LEPR: variants seen among roughly 807,000 people sequenced by gnomAD.
LEPR encodes the protein leptin receptor, also known as OB receptor.
Under a neutral mutation model 114.7 loss-of-function variants are expected in LEPR, and 56 were observed. The observed-to-expected ratio is 0.49, with a 90% CI of 0.39 to 0.61. LEPR has a LOEUF of 0.61. Ranked by LOEUF, LEPR falls within the 20% of genes least tolerant of loss-of-function variation. The pLI is 0.00. For synonymous variants in LEPR, 443 were observed against 461.4 expected (o/e 0.96, Z 0.51); for missense variants, 1,202 against 1,352.9 (o/e 0.89, Z 1.75).
intron 2 of LEPR, among the ~76,000 whole-genome samples, chr1:65,547,023 T>C (rs1282436570): frequency 6.6e-6 from 1 of 152,164 alleles, no homozygotes; most frequent in Non-Finnish European, 1.5e-5. Flanking sequence ...TGAAGGGTTG[T>C]TGAATTTTGT....
At chr1:65,518,873 T>TTC (rs763024512) in intron 2 of LEPR, among the ~76,000 whole-genome samples, 6,961 of 117,018 alleles carry the variant, frequency 0.059, 259 homozygotes, top group African/African-American at 0.097. Flanking sequence ...CTTTCTTTCT[T>TTC]TTTCTTTCTT....
At chr1:65,607,218 G>T (rs968047759) in intron 11 of LEPR, among the ~76,000 whole-genome samples, 1 of 152,306 alleles carries the variant, frequency 6.6e-6, no homozygotes, top group African/African-American at 2.4e-5. Context: ...GTGGTGGTTT[G>T]TTGGTTGGAT....
At chr1:65,421,571 C>A in intron 1 of LEPR, 2 of 1,224,276 alleles carry the variant, frequency 1.6e-6, no homozygotes, top group Non-Finnish European at 2.3e-6. Flanking sequence ...CAGTTAACAT[C>A]TGCTATAAAC....
chr1:65,610,998 TGTG>T (rs1657132392), intron 14 of LEPR, among the ~76,000 whole-genome samples: 1 of 152,208 alleles, frequency 6.6e-6, no homozygotes, highest in Admixed American at 6.5e-5. Context: ...CTGTAAAAGT[TGTG>T]GTATATAAGA....
intron 5 of LEPR, among the ~76,000 whole-genome samples, chr1:65,575,476 A>T (rs1051757626): frequency 1.3e-5 from 2 of 151,378 alleles, no homozygotes; most frequent in Non-Finnish European, 2.9e-5. Flanking sequence ...AATCAAAAAG[A>T]TCCTTTATTT....
At chr1:65,573,176 G>A (rs1336833416) in intron 5 of LEPR, among the ~76,000 whole-genome samples, 3 of 152,206 alleles carry the variant, frequency 2.0e-5, no homozygotes, top group Admixed American at 1.3e-4. Context: ...GCCTTCCCAT[G>A]TTATGGCTAC....
At position 65,641,352 on chromosome 1, in the gene LEPR, CTCT is replaced by C. The variant is rs1644865671; in HGVS notation, c.*4339_*4341del. 1 of 152,158 alleles carries C rather than the reference CTCT, an allele frequency of 6.6e-6. No individual in the cohort carries two copies. The highest frequency in any genetic ancestry group is 1.5e-5 in the Non-Finnish European group (1 of 68,022). 9.4% of individuals were successfully genotyped at this position (152,158 alleles called of 1,614,324 possible). On this transcript the variant is annotated 3_prime_UTR_variant, in exon 20 of 20. Transcript: ENST00000349533. ...GTGTTTGGCATGTGGTTAATACTTT[CTCT>C]TTAGTCACAACTGGTATTTTAATAA...
chr1:65,621,583 C>A lies in LEPR; in HGVS notation c.2597+125C>A, dbSNP rs904269753. On this transcript the variant is annotated intron_variant, in intron 18 of 19. Coordinates refer to ENST00000349533, the MANE Select transcript of LEPR (RefSeq NM_002303.6). Reference sequence around the variant, plus strand: ...AGTGCTTTTATATGTAGTCTGTATACAATTAAGATAGCATAAAAAGGAAAG... The same window carrying A: ...AGTGCTTTTATATGTAGTCTGTATAAAATTAAGATAGCATAAAAAGGAAAG... 6 of 760,736 alleles carry A rather than the reference C, an allele frequency of 7.9e-6. No individual in the cohort carries two copies. The African/African-American group carries it at 1.1e-4, about 13-fold the overall frequency. The allele number at this position is 760,736 out of a possible 1,614,324, so 47.1% of individuals were successfully genotyped here.
At position 65,636,338 on chromosome 1, in the gene LEPR, T is replaced by C. The variant is rs1468720693; in HGVS notation, c.2821T>C (p.Ser941Pro). ...TGAGATGATGCCAACAACTGTGGTCTCTCTACTTTCAACAACAGATCTTGA... is the reference window on the plus strand; with the variant it reads ...TGAGATGATGCCAACAACTGTGGTCCCTCTACTTTCAACAACAGATCTTGA... ...KDEMMPTTVV[S>P]LLSTTDLEKG... The change falls in exon 20 of 20, where the codon TCT (serine) becomes CCT (proline). Residue 941 changes from serine (S) to proline (P), a missense_variant. Coordinates refer to ENST00000349533, the MANE Select transcript of LEPR (RefSeq NM_002303.6). The C allele has an allele frequency of 6.2e-7, 1 of 1,614,086 alleles. No homozygotes were observed.
At chr1:65,535,616 G>A (rs1003162970) in intron 2 of LEPR, among the ~76,000 whole-genome samples, 3 of 152,028 alleles carry the variant, frequency 2.0e-5, no homozygotes, top group Admixed American at 6.6e-5. Flanking sequence ...CTCCCAAAGC[G>A]CAGGGATTAC....
chr1:65,504,820 A>T (rs1648640093), intron 2 of LEPR, among the ~76,000 whole-genome samples: 1 of 152,202 alleles, frequency 6.6e-6, no homozygotes, highest in Admixed American at 6.5e-5. Flanking sequence ...TATATAGGAT[A>T]GAAATAATAG....
chr1:65,604,695 G>C (rs1049949487), intron 10 of LEPR, among the ~76,000 whole-genome samples: 2 of 152,192 alleles, frequency 1.3e-5, no homozygotes, highest in Admixed American at 6.5e-5. Context: ...TTAGGAACCC[G>C]GCCACAAAGC....
At chr1:65,569,928 A>C (rs1222212805) in intron 3 of LEPR, among the ~76,000 whole-genome samples, 1 of 149,534 alleles carries the variant, frequency 6.7e-6, no homozygotes, top group African/African-American at 2.5e-5. Context: ...GGATCATGGG[A>C]AAATTCAGGA....
In LEPR at chr1:65,601,384, C is replaced by G; in HGVS notation, c.995-8C>G. 1 of 1,611,580 alleles carries G rather than the reference C, an allele frequency of 6.2e-7. No homozygotes were observed. Among genetic ancestry groups the G allele is most frequent in the Non-Finnish European group, 8.5e-7 (1 of 1,179,370 alleles). On this transcript the variant is annotated splice_polypyrimidine_tract_variant and splice_region_variant and intron_variant, in intron 8 of 19. Coordinates refer to ENST00000349533, the MANE Select transcript of LEPR (RefSeq NM_002303.6). ...CTTCATCTGATATCCTTTCTTCCCT[C>G]ATTACAGATGTCATATACTTTCCAC...
Position 65,638,191 on chromosome 1 carries a change from A to C in LEPR, c.*1176A>C, listed in dbSNP as rs1166634098. 6.6e-6 allele frequency: 1 copy of C among 152,180 alleles called. No individual in the cohort carries two copies. Among genetic ancestry groups the C allele is most frequent in the Non-Finnish European group, 1.5e-5 (1 of 68,032 alleles). The allele number at this position is 152,180 out of a possible 1,614,324, so 9.4% of individuals were successfully genotyped here. A position where few individuals can be genotyped will look rare whatever the true frequency, so the allele number is the denominator to read the frequency against. ...ATAGTGAGGCCTCGTCTCTACAAAA[A>C]ACACAAAAATTAGCTGAGTGTGACA... On this transcript the variant is annotated 3_prime_UTR_variant, in exon 20 of 20. Transcript: ENST00000349533.
At chr1:65,519,654 T>C (rs917033701) in intron 2 of LEPR, among the ~76,000 whole-genome samples, 2 of 152,028 alleles carry the variant, frequency 1.3e-5, no homozygotes, top group Non-Finnish European at 1.5e-5. Context: ...AGTAGAAATA[T>C]GGATTCTAAC....
chr1:65,529,189 G>A (rs1650199812), intron 2 of LEPR, among the ~76,000 whole-genome samples: 1 of 151,974 alleles, frequency 6.6e-6, no homozygotes, highest in Non-Finnish European at 1.5e-5. Context: ...ATGAGATTAA[G>A]GGATTTCTTC....
intron 2 of LEPR, among the ~76,000 whole-genome samples, chr1:65,430,972 G>A (rs1557585444): frequency 6.6e-6 from 1 of 152,174 alleles, no homozygotes; most frequent in South Asian, 2.1e-4. Context: ...TAAGAATGCA[G>A]TATATAGAAT....
chr1:65,545,891 G>C (rs1651670431), intron 2 of LEPR, among the ~76,000 whole-genome samples: 1 of 151,890 alleles, frequency 6.6e-6, no homozygotes, highest in South Asian at 2.1e-4. Flanking sequence ...CCATGCCTAT[G>C]TCCTGAGTGG....
Sources: gnomAD v4.1 joint callset for allele counts (sites outside exome capture counted in the v4.1 genomes callset) on GRCh38, gnomAD v4.1.1 for gene constraint, MANE v1.5 for transcripts, NCBI Gene and HGNC (gene_info 2026-07-23, HGNC 2026-07-21) for gene names.